The following KAZN variants were observed in gnomAD, a reference collection of about 807,000 sequenced individuals.
KAZN encodes the protein kazrin, periplakin interacting protein.
A neutral mutation model predicts 87.4 loss-of-function variants in KAZN; 40 were observed. The observed-to-expected ratio is 0.46, with a 90% CI of 0.36 to 0.60. The LOEUF (loss-of-function observed/expected upper bound fraction) is 0.60, where lower values mean the gene tolerates loss of function less well. Among genes scored for constraint, KAZN ranks in the 20% least tolerant of loss-of-function variants. The probability of loss-of-function intolerance (pLI) is 0.00; values close to 1 mark genes in which losing one functional copy is unlikely to be tolerated. For missense variants in KAZN, 898 were observed against 1,073.9 expected (o/e 0.84, Z 2.29); for synonymous variants, 466 against 458.3 (o/e 1.02, Z -0.22).
chr1:14,732,602 A>G (rs1000906720), intron 1 of KAZN, among the ~76,000 whole-genome samples: 40 of 152,170 alleles, frequency 2.6e-4, no homozygotes, highest in African/African-American at 9.2e-4. Flanking sequence ...TTGCACCACT[A>G]CACTCCAGCC....
intron 2 of KAZN, among the ~76,000 whole-genome samples, chr1:14,446,709 G>T (rs1431058944): frequency 3.3e-5 from 5 of 152,054 alleles, no homozygotes; most frequent in African/African-American, 1.2e-4. Flanking sequence ...TTCGCAGGTA[G>T]CTCAGTCTAG....
intron 2 of KAZN, among the ~76,000 whole-genome samples, chr1:14,313,419 T>A (rs1177938065): frequency 6.6e-6 from 1 of 152,216 alleles, no homozygotes; most frequent in Non-Finnish European, 1.5e-5. Flanking sequence ...TGTCTTGCTA[T>A]TATGTTCATC....
intron 2 of KAZN, among the ~76,000 whole-genome samples, chr1:14,332,196 A>G (rs1387154332): frequency 1.3e-5 from 2 of 152,204 alleles, no homozygotes; most frequent in Non-Finnish European, 2.9e-5. Flanking sequence ...TGATTGCTGT[A>G]TAATGTTAGC....
chr1:14,243,879 G>A (rs1464393731), intron 2 of KAZN, among the ~76,000 whole-genome samples: 4 of 152,224 alleles, frequency 2.6e-5, no homozygotes, highest in East Asian at 3.9e-4. Context: ...CCTAATGTCC[G>A]CATCTTACAG....
intron 1 of KAZN, among the ~76,000 whole-genome samples, chr1:14,601,628 G>A (rs1358373844): frequency 6.6e-6 from 1 of 152,160 alleles, no homozygotes; most frequent in African/African-American, 2.4e-5. Flanking sequence ...AATTGATTGG[G>A]TTCCACTTGA....
rs869248379 is a variant in KAZN, at chr1:14,092,092, CT to C, written c.92-88325del. ...TTGTAATACTTTATTATTTTCTTTT[CT>C]TTTTTTTTTTTTTTTTTGAGACAGT... On this transcript the variant is annotated intron_variant, in intron 1 of 16. Coordinates refer to the KAZN transcript ENST00000636203. Among the ~76,000 whole-genome samples the C allele has an allele frequency of 4.6e-3, 594 of 129,060 alleles. 3 individuals are homozygous for C. Among genetic ancestry groups the C allele is most frequent in the East Asian group, 8.3e-3 (38 of 4,588 alleles). 84.7% of individuals were successfully genotyped at this position (129,060 alleles called of 152,430 possible). A position where few individuals can be genotyped will look rare whatever the true frequency, so the allele number is the denominator to read the frequency against.
At chr1:14,094,209 G>C (rs1404005550) in intron 1 of KAZN, among the ~76,000 whole-genome samples, 1 of 152,050 alleles carries the variant, frequency 6.6e-6, no homozygotes, top group Non-Finnish European at 1.5e-5. Context: ...TCCTTCTGAT[G>C]CTGCTTCTGA....
intron 1 of KAZN, among the ~76,000 whole-genome samples, chr1:14,944,554 C>T (rs1171496828): frequency 4.6e-5 from 7 of 152,158 alleles, no homozygotes; most frequent in Admixed American, 1.3e-4. Context: ...GAGGCGGTCT[C>T]CAGTGTGGAC....
intron 1 of KAZN, among the ~76,000 whole-genome samples, chr1:13,976,112 G>A (rs1557757649): frequency 6.6e-6 from 1 of 152,168 alleles, no homozygotes. Flanking sequence ...TCCAAATAAT[G>A]TCTTCGTGAG....
At chr1:15,110,383 TTGTG>T (rs1274046556) in intron 13 of KAZN, among the ~76,000 whole-genome samples, 2,162 of 29,518 alleles carry the variant, frequency 0.073, 49 homozygotes, top group Middle Eastern at 0.2. Context: ...TAGTGTGTAT[TTGTG>T]TGTTTGTGTG....
chr1:14,652,868 A>C (rs1209833129), intron 1 of KAZN, among the ~76,000 whole-genome samples: 2 of 149,394 alleles, frequency 1.3e-5, no homozygotes, highest in African/African-American at 2.5e-5. Flanking sequence ...GCAATTGGGG[A>C]CATTTTTGGT....
At chr1:15,083,236 C>T (rs888874013) in intron 8 of KAZN, among the ~76,000 whole-genome samples, 1 of 152,238 alleles carries the variant, frequency 6.6e-6, no homozygotes, top group African/African-American at 2.4e-5. Context: ...TGTGCAGCCC[C>T]TTTTAGTTGC....
chr1:15,090,352 C>G (rs189656262), intron 8 of KAZN, among the ~76,000 whole-genome samples: 18 of 152,360 alleles, frequency 1.2e-4, no homozygotes, highest in African/African-American at 4.3e-4. Flanking sequence ...TGGAGGCCTC[C>G]CGGGGGCTCT....
intron 2 of KAZN, among the ~76,000 whole-genome samples, chr1:14,470,258 A>G (rs1188526806): frequency 1.3e-5 from 2 of 152,194 alleles, no homozygotes; most frequent in African/African-American, 4.8e-5. Flanking sequence ...TAGACTGATA[A>G]AACATGAAGC....
chr1:14,174,661 C>G (rs192259345), intron 1 of KAZN, among the ~76,000 whole-genome samples: 1 of 152,160 alleles, frequency 6.6e-6, no homozygotes, highest in Non-Finnish European at 1.5e-5. Context: ...CCATCTTTGG[C>G]TCACTTATAT....
chr1:14,172,112 A>G (rs1419989493), intron 1 of KAZN, among the ~76,000 whole-genome samples: 3 of 152,362 alleles, frequency 2.0e-5, no homozygotes, highest in Admixed American at 6.5e-5. Context: ...CCAAAATAAC[A>G]TGGCATAAAT....
chr1:14,457,165 A>G (rs1667610556), intron 2 of KAZN, among the ~76,000 whole-genome samples: 1 of 152,228 alleles, frequency 6.6e-6, no homozygotes, highest in South Asian at 2.1e-4. Flanking sequence ...AAAGTGGTTC[A>G]TGAGGCTTCA....
chr1:13,979,610 A>G (rs1638554666), intron 1 of KAZN, among the ~76,000 whole-genome samples: 1 of 152,244 alleles, frequency 6.6e-6, no homozygotes, highest in South Asian at 2.1e-4. Flanking sequence ...GTCAACTGAA[A>G]CAATAATAGT....
intron 2 of KAZN, among the ~76,000 whole-genome samples, chr1:15,033,126 A>G (rs2311859): frequency 0.81 from 122,567 of 152,052 alleles, 49,724 homozygotes; most frequent in Admixed American, 0.86. Flanking sequence ...AAAGTGTATG[A>G]GGGGATTGTG....
Sources: gnomAD v4.1 joint callset for allele counts (sites outside exome capture counted in the v4.1 genomes callset) on GRCh38, gnomAD v4.1.1 for gene constraint, MANE v1.5 for transcripts, NCBI Gene and HGNC (gene_info 2026-07-23, HGNC 2026-07-21) for gene names.